PLCXD3: variants seen among roughly 807,000 people sequenced by gnomAD.
The protein encoded by PLCXD3 is phosphatidylinositol specific phospholipase C X domain containing 3.
PLCXD3 carries 19 observed loss-of-function variants against 25.5 expected under a neutral mutation model. That is an observed-to-expected ratio of 0.75 (90% CI 0.52 to 1.09). The LOEUF is 1.09. PLCXD3 is among the 50% of genes least tolerant of loss of function. The pLI is 0.00. For missense variants in PLCXD3, 411 were observed against 388.1 expected (o/e 1.06, Z -0.50); for synonymous variants, 174 against 137.6 (o/e 1.26, Z -1.85).
intron 1 of PLCXD3, among the ~76,000 whole-genome samples, chr5:41,472,359 G>T (rs1748184739): frequency 6.6e-6 from 1 of 151,994 alleles, no homozygotes; most frequent in Non-Finnish European, 1.5e-5. Flanking sequence ...CCTAAGAATT[G>T]GGAAAAACAT....
chr5:41,446,257 G>GTATTGTTGC (rs931136800), intron 1 of PLCXD3, among the ~76,000 whole-genome samples: 3 of 150,618 alleles, frequency 2.0e-5, no homozygotes, highest in Non-Finnish European at 3.0e-5. Context: ...CAGATAAGGA[G>GTATTGTTGC]TATTGTTGCT....
intron 2 of PLCXD3, among the ~76,000 whole-genome samples, chr5:41,331,569 C>T (rs1743805139): frequency 6.6e-6 from 1 of 152,220 alleles, no homozygotes; most frequent in Non-Finnish European, 1.5e-5. Flanking sequence ...CAATGACTTT[C>T]TTCACAGAAT....
chr5:41,396,434 G>A (rs939561684), intron 1 of PLCXD3, among the ~76,000 whole-genome samples: 2 of 152,144 alleles, frequency 1.3e-5, no homozygotes, highest in Non-Finnish European at 2.9e-5. Flanking sequence ...TTCATTTACA[G>A]CATGTGGAAC....
chr5:41,443,104 A>G (rs959410100), intron 1 of PLCXD3, among the ~76,000 whole-genome samples: 4 of 149,038 alleles, frequency 2.7e-5, no homozygotes, highest in Non-Finnish European at 5.9e-5. Context: ...AATATATATA[A>G]TTATATATGT....
chr5:41,475,578 C>T (rs974910002), intron 1 of PLCXD3: 19 of 530,910 alleles, frequency 3.6e-5, no homozygotes, highest in Non-Finnish European at 6.2e-5. Context: ...CTCTGTTTAT[C>T]CCTGTAGGCC....
chr5:41,449,973 A>G (rs944649809), intron 1 of PLCXD3, among the ~76,000 whole-genome samples: 1 of 152,148 alleles, frequency 6.6e-6, no homozygotes, highest in Admixed American at 6.5e-5. Context: ...TATAATTTTA[A>G]TGCTAAAGAA....
chr5:41,456,290 T>A (rs751139742), intron 1 of PLCXD3, among the ~76,000 whole-genome samples: 25 of 151,924 alleles, frequency 1.6e-4, no homozygotes, highest in Non-Finnish European at 3.5e-4. Context: ...TCTGTGGAAA[T>A]TATCTGAATC....
intron 2 of PLCXD3, among the ~76,000 whole-genome samples, chr5:41,357,987 C>T (rs942350554): frequency 2.0e-5 from 3 of 152,130 alleles, no homozygotes; most frequent in Non-Finnish European, 4.4e-5. Flanking sequence ...AGGGAATAAG[C>T]TTCTCAAAGA....
intron 1 of PLCXD3, among the ~76,000 whole-genome samples, chr5:41,470,388 A>G (rs580418): frequency 0.016 from 2,392 of 151,522 alleles, 64 homozygotes; most frequent in African/African-American, 0.054. Context: ...TGAAAAAAAC[A>G]TAAGGTTTAG....
At chr5:41,424,248 G>T (rs1391192767) in intron 1 of PLCXD3, among the ~76,000 whole-genome samples, 1 of 152,010 alleles carries the variant, frequency 6.6e-6, no homozygotes, top group South Asian at 2.1e-4. Flanking sequence ...ATACATAAAA[G>T]GTTGTGAATT....
chr5:41,431,918 C>G (rs981651732), intron 1 of PLCXD3, among the ~76,000 whole-genome samples: 1 of 152,154 alleles, frequency 6.6e-6, no homozygotes, highest in African/African-American at 2.4e-5. Context: ...AGGTGCTAGG[C>G]CCATGAGGTT....
chr5:41,456,576 T>C, intron 1 of PLCXD3: 1 of 942,476 alleles, frequency 1.1e-6, no homozygotes, highest in South Asian at 4.9e-5. Flanking sequence ...AAGTAGATGT[T>C]TGTGTCCCCC....
intron 1 of PLCXD3, among the ~76,000 whole-genome samples, chr5:41,473,749 C>A (rs1439548144): frequency 6.6e-6 from 1 of 152,186 alleles, no homozygotes; most frequent in Non-Finnish European, 1.5e-5. Flanking sequence ...AGCCACCACA[C>A]CCAGCCGCCA....
Position 41,393,787 on chromosome 5 carries a change from G to A in PLCXD3, c.104-11253C>T, listed in dbSNP as rs139229385. 5.9e-3 allele frequency among the ~76,000 whole-genome samples: 892 copies of A among 151,980 alleles called. 11 individuals carry two copies. Among genetic ancestry groups the A allele is most frequent in the African/African-American group, 0.017 (723 of 41,448 alleles). The stretch of plus-strand genomic sequence containing the variant: ...ACAAAAAAAGAAAAAAAAATTAGCC[G>A]GGCATGGTGGTGGACACCTGTAGTC... On this transcript the variant is annotated intron_variant, in intron 1 of 2. Coordinates refer to ENST00000377801, the MANE Select transcript of PLCXD3 (RefSeq NM_001005473.3).
Position 41,398,915 on chromosome 5 carries a change from T to A in PLCXD3, c.104-16381A>T, listed in dbSNP as rs548182837. Among the ~76,000 whole-genome samples the A allele has an allele frequency of 7.9e-5, 12 of 152,316 alleles. No individual in the cohort carries two copies. In the East Asian group the frequency reaches 2.3e-3, roughly 29 times the overall value. On this transcript the variant is annotated intron_variant, in intron 1 of 2. Transcript: ENST00000377801. ...CCAAATTGAAAAGGAAGCCAAATTA[T>A]CCTTGTCCACAGATGATATAAACTA...
In PLCXD3 at chr5:41,382,057, A is replaced by G; in HGVS notation, c.581T>C (p.Phe194Ser). 2 of 1,613,706 alleles carry G rather than the reference A, an allele frequency of 1.2e-6. No homozygotes were observed. Among genetic ancestry groups the G allele is most frequent in the Non-Finnish European group, 1.7e-6 (2 of 1,179,772 alleles). ...LWEKDYQVLV[F>S]YHSPVALEVP... is the part of the protein sequence containing the mutation. ...TTCCAGAGCCACTGGACTATGGTAG[A>G]AGACCAGCACTTGATAGTCCTTCTC... The change falls in exon 2 of 3, where the codon TTC becomes TCC. Residue 194 changes from phenylalanine (F) to serine (S), a missense_variant. By Grantham distance (155) the Phe-to-Ser change is radical. Coordinates refer to ENST00000377801, the MANE Select transcript of PLCXD3 (RefSeq NM_001005473.3).
At chr5:41,417,375 C>G (rs1247356104) in intron 1 of PLCXD3, among the ~76,000 whole-genome samples, 1 of 152,158 alleles carries the variant, frequency 6.6e-6, no homozygotes. Flanking sequence ...TTTGGGTCAG[C>G]CTCCTCCTTT....
At chr5:41,425,107 C>T (rs1216450848) in intron 1 of PLCXD3, among the ~76,000 whole-genome samples, 1 of 152,060 alleles carries the variant, frequency 6.6e-6, no homozygotes, top group East Asian at 1.9e-4. Flanking sequence ...TTCTTTTAAT[C>T]ATTGTATAGT....
intron 1 of PLCXD3, among the ~76,000 whole-genome samples, chr5:41,469,190 A>G (rs1748094115): frequency 6.6e-6 from 1 of 152,224 alleles, no homozygotes; most frequent in South Asian, 2.1e-4. Flanking sequence ...ATTGATATGC[A>G]TATATTGAAC....
Sources: allele counts gnomAD v4.1 joint callset (sites outside exome capture counted in the v4.1 genomes callset), GRCh38; gene constraint gnomAD v4.1.1; transcripts MANE v1.5; gene names NCBI Gene and HGNC (gene_info 2026-07-23, HGNC 2026-07-21).